Variants in AP4M1 observed in about 807,000 individuals in gnomAD.
The protein encoded by AP4M1 is adaptor related protein complex 4 subunit mu 1, also known as AP-4 complex subunit mu-1.
A neutral mutation model predicts 62.4 loss-of-function variants in AP4M1; 58 were observed. That is an observed-to-expected ratio of 0.93 (90% CI 0.75 to 1.16). The LOEUF is 1.16. Among genes scored for constraint, AP4M1 ranks in the 50% most tolerant of loss-of-function variants. The probability of loss-of-function intolerance (pLI) is 0.00; values close to 1 mark genes in which losing one functional copy is unlikely to be tolerated. For synonymous variants in AP4M1, 290 were observed against 239.7 expected (o/e 1.21, Z -1.94); for missense variants, 626 against 585.4 (o/e 1.07, Z -0.72).
At position 100,108,340 on chromosome 7, in the gene AP4M1, A is replaced by T; in HGVS notation, c.*1458A>T. The T allele has an allele frequency of 6.3e-7, 1 of 1,581,568 alleles. No homozygotes were observed. Among genetic ancestry groups the T allele is most frequent in the Non-Finnish European group, 8.6e-7 (1 of 1,161,406 alleles). ...CAGGGGTTCTCCTCTGCTTCCTCCTATTCCTCCTCCCCACCCGGCCACGGA... is the reference window on the plus strand; with the variant it reads ...CAGGGGTTCTCCTCTGCTTCCTCCTTTTCCTCCTCCCCACCCGGCCACGGA... On this transcript the variant is annotated 3_prime_UTR_variant, in exon 15 of 15. Transcript: ENST00000359593.
chr7:100,104,018 C>G, intron 6 of AP4M1, 74 bp from the exon 7 acceptor site: 1 of 1,379,760 alleles, frequency 7.2e-7, no homozygotes, highest in Non-Finnish European at 1.0e-6. Flanking sequence ...CTGTCCTGTT[C>G]TTTCTCCCTG....
In AP4M1 at chr7:100,102,844, C is replaced by G. The variant is rs764534692; in HGVS notation, c.255-20C>G. 5 of 1,613,432 alleles carry G rather than the reference C, an allele frequency of 3.1e-6. No individual in the cohort carries two copies. Among genetic ancestry groups the G allele is most frequent in the Non-Finnish European group, 8.5e-7 (1 of 1,179,508 alleles). ...GGGTCTGAGAGGAGGAGAAAATACA[C>G]GCTCCAAGTGTTTCCTCAGGTTGGC... On this transcript the variant is annotated intron_variant, in intron 3 of 14. Coordinates refer to ENST00000359593, the MANE Select transcript of AP4M1 (RefSeq NM_004722.4).
chr7:100,101,476 G>C (rs979024502), upstream of AP4M1: 1 of 837,874 alleles, frequency 1.2e-6, no homozygotes, highest in South Asian at 1.6e-5. Context: ...TTCACCTCCC[G>C]CTAGCCGCAA....
At chr7:100,105,623 G>A in intron 11 of AP4M1, 84 bp downstream of exon 11, 8 of 1,329,384 alleles carry the variant, frequency 6.0e-6, no homozygotes, top group Non-Finnish European at 7.4e-6. Flanking sequence ...CAGAGTGGGG[G>A]TGGTGGTAGT....
rs980799610 is a variant in AP4M1 at position 100,108,605 on chromosome 7, C to G, written c.*1723C>G. On this transcript the variant is annotated 3_prime_UTR_variant, in exon 15 of 15. Transcript: ENST00000359593. ...GGAAAAAAGCCAGGTAGAGGGAGGG[C>G]TGGTGACACTCTTGAGAAGAACCTT... The G allele has an allele frequency of 4.6e-6, 7 of 1,516,226 alleles. No homozygotes were observed. The East Asian group carries it at 1.6e-4, about 35-fold the overall frequency. The allele number at this position is 1,516,226 out of a possible 1,614,324, so 93.9% of individuals were successfully genotyped here.
intron 14 of AP4M1, 35 bp from the exon 15 acceptor site, chr7:100,106,623 G>T: frequency 7.5e-7 from 1 of 1,326,088 alleles, no homozygotes. Context: ...TCAGCTTCTT[G>T]CCCTCCTTCC....
chr7:100,106,049 A>C (rs532046343), intron 12 of AP4M1, 46 bp downstream of exon 12: 1 of 1,607,966 alleles, frequency 6.2e-7, no homozygotes, highest in Non-Finnish European at 8.5e-7. Flanking sequence ...ATGGGACGGA[A>C]GACAGGGCCA....
chr7:100,104,024 C>T (rs1217953576), intron 6 of AP4M1, 68 bp from the exon 7 acceptor site: 5 of 1,407,466 alleles, frequency 3.6e-6, no homozygotes, highest in East Asian at 2.3e-5. Context: ...TGTTCTTTCT[C>T]CCTGTCTGTC....
At chr7:100,104,344 C>A (rs1796297182) in intron 7 of AP4M1, among the ~76,000 whole-genome samples, 190 bp downstream of exon 7, 2 of 147,282 alleles carry the variant, frequency 1.4e-5, no homozygotes, top group Admixed American at 6.8e-5. Context: ...ATAGCCAGAC[C>A]CCGTCTCTAC....
At chr7:100,102,497 G>C (rs557608295) in intron 2 of AP4M1, 178 bp from the exon 3 acceptor site, 5 of 662,904 alleles carry the variant, frequency 7.5e-6, no homozygotes, top group Non-Finnish European at 1.4e-5. Flanking sequence ...GGGGTAGTTA[G>C]TGTAATTAAC....
rs2116643223 is a variant in AP4M1, at chr7:100,104,079, C to T, written c.544-13C>T. 2 of 1,613,650 alleles carry T rather than the reference C, an allele frequency of 1.2e-6. No individual in the cohort carries two copies. Among genetic ancestry groups the T allele is most frequent in the Non-Finnish European group, 1.7e-6 (2 of 1,179,666 alleles). On this transcript the variant is annotated splice_polypyrimidine_tract_variant and intron_variant, in intron 6 of 14. Transcript: ENST00000359593. ...TTCTGCTTCCAACCACCCAAATTCT[C>T]TCTCTTTCTCAGAGCCAAAAGAATG...
chr7:100,102,039 G>C, intron 2 of AP4M1, 71 bp downstream of exon 2: 1 of 1,544,616 alleles, frequency 6.5e-7, no homozygotes, highest in Non-Finnish European at 8.9e-7. Flanking sequence ...TCCCTCCCAG[G>C]ACTGGTTCAT....
intron 6 of AP4M1, among the ~76,000 whole-genome samples, 195 bp downstream of exon 6, chr7:100,103,887 CA>C (rs10671291): frequency 1.4e-3 from 130 of 92,042 alleles, no homozygotes; most frequent in Admixed American, 2.4e-3. Flanking sequence ...ACTAAAAATG[CA>C]AAAAAAAAAA....
intron 4 of AP4M1, 197 bp from the exon 5 acceptor site, chr7:100,103,212 T>G: frequency 1.5e-6 from 1 of 672,174 alleles, no homozygotes; most frequent in Non-Finnish European, 2.6e-6. Context: ...CCTAGCTAAT[T>G]GTTTATTTTT....
chr7:100,101,853 C>G (rs748320971), intron 1 of AP4M1, 27 bp from the exon 2 acceptor site: 3 of 1,612,562 alleles, frequency 1.9e-6, no homozygotes, highest in Non-Finnish European at 2.5e-6. Context: ...GTCGCAGGAT[C>G]CTTCACTGAG....
intron 11 of AP4M1, 127 bp from the exon 12 acceptor site, chr7:100,105,832 T>A (rs894456098): frequency 8.5e-7 from 1 of 1,177,506 alleles, no homozygotes; most frequent in Non-Finnish European, 1.3e-6. Flanking sequence ...TGGGCTGGGC[T>A]TCAGCCCTTT....
At position 100,104,084 on chromosome 7, in the gene AP4M1, T is replaced by C; in HGVS notation, c.544-8T>C. On this transcript the variant is annotated splice_polypyrimidine_tract_variant and splice_region_variant and intron_variant, in intron 6 of 14. Transcript: ENST00000359593. ...CTTCCAACCACCCAAATTCTCTCTC[T>C]TTCTCAGAGCCAAAAGAATGAAGTT... is the stretch of plus-strand genomic sequence containing the variant. 1.2e-6 allele frequency: 2 copies of C among 1,613,806 alleles called. No homozygotes were observed. The highest frequency in any genetic ancestry group is 1.7e-6 in the Non-Finnish European group (2 of 1,179,800).
intron 2 of AP4M1, chr7:100,102,226 CAA>C (rs750730419): frequency 1.1e-3 from 560 of 489,466 alleles, no homozygotes; most frequent in East Asian, 1.7e-3. Flanking sequence ...ACTAAAAATA[CAA>C]AAAAAAAAAA....
chr7:100,102,011 G>A, intron 2 of AP4M1, 43 bp downstream of exon 2: 1 of 1,605,288 alleles, frequency 6.2e-7, no homozygotes, highest in Non-Finnish European at 8.5e-7. Flanking sequence ...GGTCCCGTCG[G>A]GCCGGGTGGG....
Sources: gnomAD v4.1 joint callset for allele counts (sites outside exome capture counted in the v4.1 genomes callset) on GRCh38, gnomAD v4.1.1 for gene constraint, MANE v1.5 for transcripts, NCBI Gene and HGNC (gene_info 2026-07-23, HGNC 2026-07-21) for gene names.